CTNND2: variants seen among roughly 807,000 people sequenced by gnomAD.
CTNND2 encodes catenin delta 2, also known as catenin delta-2.
A neutral mutation model predicts 144.4 loss-of-function variants in CTNND2; 22 were observed. That is an observed-to-expected ratio of 0.15 (90% CI 0.11 to 0.22). The LOEUF (loss-of-function observed/expected upper bound fraction) is 0.22. Among genes scored for constraint, CTNND2 ranks in the 10% least tolerant of loss-of-function variants. The probability of loss-of-function intolerance (pLI) is 1.00; values close to 1 mark genes in which losing one functional copy is unlikely to be tolerated. For synonymous variants in CTNND2, 751 were observed against 695.6 expected (o/e 1.08, Z -1.25); for missense variants, 1,353 against 1,618.8 (o/e 0.84, Z 2.82).
At chr5:11,680,309 A>G (rs1485457098) in intron 2 of CTNND2, among the ~76,000 whole-genome samples, 1 of 152,106 alleles carries the variant, frequency 6.6e-6, no homozygotes, top group Non-Finnish European at 1.5e-5. Flanking sequence ...TGGTTTCCAC[A>G]CTCAACAATT....
chr5:11,052,765 T>G (rs750430602), intron 16 of CTNND2, among the ~76,000 whole-genome samples: 2 of 152,052 alleles, frequency 1.3e-5, no homozygotes. Flanking sequence ...CTGGGCACCA[T>G]GGAGGACCAC....
chr5:11,123,679 G>A (rs1045668854), intron 12 of CTNND2, among the ~76,000 whole-genome samples: 1 of 152,208 alleles, frequency 6.6e-6, no homozygotes, highest in African/African-American at 2.4e-5. Flanking sequence ...ATACAAAGGC[G>A]CAGGCCCTTC....
intron 3 of CTNND2, among the ~76,000 whole-genome samples, chr5:11,455,261 A>G (rs1156363258): frequency 6.6e-6 from 1 of 152,136 alleles, no homozygotes; most frequent in Non-Finnish European, 1.5e-5. Context: ...AGAGAAAATC[A>G]GTATCATTTT....
intron 1 of CTNND2, among the ~76,000 whole-genome samples, chr5:11,902,232 T>G (rs1737959603): frequency 6.6e-6 from 1 of 152,136 alleles, no homozygotes; most frequent in South Asian, 2.1e-4. Flanking sequence ...CCAACAACAG[T>G]AGGAACATTC....
chr5:11,323,226 G>C (rs1473369689), intron 9 of CTNND2, among the ~76,000 whole-genome samples: 1 of 67,578 alleles, frequency 1.5e-5, no homozygotes. Flanking sequence ...AAAACATTTA[G>C]AGATTGGGGG....
chr5:11,849,457 C>G (rs542221822), intron 1 of CTNND2, among the ~76,000 whole-genome samples: 1 of 152,276 alleles, frequency 6.6e-6, no homozygotes, highest in South Asian at 2.1e-4. Context: ...TTATGAGAGT[C>G]TGTAAATTCC....
intron 2 of CTNND2, among the ~76,000 whole-genome samples, chr5:11,698,070 A>G (rs1785218699): frequency 6.6e-6 from 1 of 152,178 alleles, no homozygotes; most frequent in Non-Finnish European, 1.5e-5. Context: ...CAGAGATTGC[A>G]TAATGGGGTA....
rs564911196 is a variant in CTNND2, at chr5:11,660,799, T to C, written c.174+71337A>G. On this transcript the variant is annotated intron_variant, in intron 2 of 21. Transcript: ENST00000304623. ...ATAATAACCTTAAAAATGTCTTAGT[T>C]CTAATGGCATAAATTATCCAGATGA... 5.3e-5 allele frequency among the ~76,000 whole-genome samples: 8 copies of C among 152,224 alleles called. No homozygotes were observed. In the East Asian group the frequency reaches 1.5e-3, roughly 29 times the overall value.
intron 1 of CTNND2, among the ~76,000 whole-genome samples, chr5:11,836,987 CCTAA>C (rs546989030): frequency 4.9e-4 from 74 of 152,214 alleles, no homozygotes; most frequent in African/African-American, 1.4e-3. Flanking sequence ...TGCCATAGAG[CCTAA>C]CTATTAGGAT....
chr5:11,827,415 C>T (rs973483718), intron 1 of CTNND2, among the ~76,000 whole-genome samples: 1 of 151,534 alleles, frequency 6.6e-6, no homozygotes. Flanking sequence ...TAATAAGATG[C>T]GAAGTAACAA....
intron 2 of CTNND2, among the ~76,000 whole-genome samples, chr5:11,685,457 A>G (rs1026033393): frequency 1.3e-5 from 2 of 152,218 alleles, no homozygotes; most frequent in Non-Finnish European, 2.9e-5. Context: ...ATTGTATGTG[A>G]ACTAGGATCA....
Position 11,903,743 on chromosome 5 carries a change from C to CCAGCGGCAAGAGGAGGAGGA in CTNND2, c.37+54_37+73dup. 3 of 1,426,726 alleles carry CCAGCGGCAAGAGGAGGAGGA rather than the reference C, an allele frequency of 2.1e-6. No homozygotes were observed. Among genetic ancestry groups the CCAGCGGCAAGAGGAGGAGGA allele is most frequent in the South Asian group, 2.6e-5 (2 of 76,000 alleles). The allele number at this position is 1,426,726 out of a possible 1,614,324, so 88.4% of individuals were successfully genotyped here. ...GGCCGGGAGCCCAGGACCACCCCCACCAGCGGCAAGAGGAGGAGGACGGCG... is the reference window on the plus strand; with the variant it reads ...GGCCGGGAGCCCAGGACCACCCCCACCAGCGGCAAGAGGAGGAGGACAGCGGCAAGAGGAGGAGGACGGCG... On this transcript the variant is annotated intron_variant, in intron 1 of 21. Transcript: ENST00000304623. This position sits in a 1 kb window ranked among gnomAD's most constrained non-coding sequence, Gnocchi z 5.4.
intron 12 of CTNND2, among the ~76,000 whole-genome samples, chr5:11,139,761 C>A (rs1756528499): frequency 6.6e-6 from 1 of 152,188 alleles, no homozygotes; most frequent in Admixed American, 6.5e-5. Context: ...AACTTAGGGG[C>A]ATAAACTGCC....
chr5:11,875,530 C>A (rs1299530914), intron 1 of CTNND2, among the ~76,000 whole-genome samples: 3 of 152,062 alleles, frequency 2.0e-5, no homozygotes, highest in East Asian at 1.9e-4. Context: ...AAGCCAGGGG[C>A]CTTTGAGAGA....
At chr5:11,448,186 C>A (rs908176206) in intron 3 of CTNND2, among the ~76,000 whole-genome samples, 1 of 152,072 alleles carries the variant, frequency 6.6e-6, no homozygotes, top group African/African-American at 2.4e-5. Context: ...ACTGGTTATA[C>A]CAAACGATTT....
At chr5:11,642,682 G>A (rs1016397639) in intron 2 of CTNND2, among the ~76,000 whole-genome samples, 2 of 152,174 alleles carry the variant, frequency 1.3e-5, no homozygotes, top group African/African-American at 4.8e-5. Flanking sequence ...ACAGATCCTG[G>A]GCACAGGCAA....
intron 17 of CTNND2, among the ~76,000 whole-genome samples, chr5:11,018,369 C>T (rs966573419): frequency 4.6e-5 from 7 of 152,118 alleles, no homozygotes; most frequent in African/African-American, 1.7e-4. Context: ...ATTAATAACC[C>T]TACAATGGCT....
chr5:11,783,642 T>G (rs1790675071), intron 1 of CTNND2, among the ~76,000 whole-genome samples: 1 of 152,176 alleles, frequency 6.6e-6, no homozygotes, highest in Admixed American at 6.5e-5. Context: ...TAATGCATAT[T>G]TGACAGTGGC....
At chr5:11,619,503 T>TA (rs1780735566) in intron 2 of CTNND2, among the ~76,000 whole-genome samples, 1 of 152,222 alleles carries the variant, frequency 6.6e-6, no homozygotes, top group African/African-American at 2.4e-5. Flanking sequence ...GTACAGTTGA[T>TA]ATGTAGTCCT....
Sources: allele counts gnomAD v4.1 joint callset (sites outside exome capture counted in the v4.1 genomes callset), GRCh38; gene constraint gnomAD v4.1.1; non-coding constraint Gnocchi (gnomAD v3.1); transcripts MANE v1.5; gene names NCBI Gene and HGNC (gene_info 2026-07-23, HGNC 2026-07-21).